Variants in FCGR2A observed in about 807,000 individuals in gnomAD.
FCGR2A encodes the protein Fc gamma receptor IIa.
In FCGR2A, 18 loss-of-function variants were observed where a neutral mutation model predicts 29.3. The observed-to-expected ratio is 0.62, with a 90% CI of 0.43 to 0.91. The LOEUF (loss-of-function observed/expected upper bound fraction) is 0.91, where lower values mean the gene tolerates loss of function less well. Among genes scored for constraint, FCGR2A ranks in the 40% least tolerant of loss-of-function variants. The probability of loss-of-function intolerance (pLI) is 0.00; values close to 1 mark genes in which losing one functional copy is unlikely to be tolerated. For missense variants in FCGR2A, 287 were observed against 393.0 expected (o/e 0.73, Z 2.28); for synonymous variants, 126 against 144.8 (o/e 0.87, Z 0.93).
rs182727666 is a variant in FCGR2A, at chr1:161,517,272, C to A, written c.781-703C>A. On this transcript the variant is annotated intron_variant, in intron 6 of 6. Coordinates refer to ENST00000271450, the MANE Select transcript of FCGR2A (RefSeq NM_001136219.3). ...ATCTTAACAGCTTAACAAGGAGGAG[C>A]TTGTGTTCCTACTGATGTCAAAAGA... 1.6e-4 allele frequency among the ~76,000 whole-genome samples: 24 copies of A among 152,162 alleles called. 1 individual carries two copies. Among genetic ancestry groups the A allele is most frequent in the Admixed American group, 1.4e-3 (21 of 15,272 alleles).
Position 161,517,443 on chromosome 1 carries a change from A to G in FCGR2A, c.781-532A>G, listed in dbSNP as rs779051663. Among the ~76,000 whole-genome samples the G allele has an allele frequency of 1.3e-4, 20 of 152,308 alleles. 1 individual carries two copies. The highest frequency in any genetic ancestry group is 2.9e-4 in the Non-Finnish European group (20 of 68,026). ...AAAGGTCTGAAGAAAGCAGAAACAA[A>G]GAATTTAAAGTGGATTGGCTATTTT... On this transcript the variant is annotated intron_variant, in intron 6 of 6. Coordinates refer to ENST00000271450, the MANE Select transcript of FCGR2A (RefSeq NM_001136219.3).
chr1:161,520,442 G>A (rs368852923), downstream of FCGR2A, among the ~76,000 whole-genome samples: 12 of 151,948 alleles, frequency 7.9e-5, no homozygotes, highest in East Asian at 1.9e-3. Context: ...CCATGACCCA[G>A]TTACCTCCAC....
rs140186893 is a variant in FCGR2A, at chr1:161,518,059, A to G, written c.865A>G (p.Met289Val). 1.7e-4 allele frequency: 277 copies of G among 1,613,726 alleles called. No individual in the cohort carries two copies. Among genetic ancestry groups the G allele is most frequent in the Non-Finnish European group, 2.2e-4 (263 of 1,179,818 alleles). ...CTATGAAACAGCTGACGGCGGCTAC[A>G]TGACTCTGAACCCCAGGGCACCTAC... Reference protein sequence around the residue: ...NDYETADGGYMTLNPRAPTDD... With the variant: ...NDYETADGGYVTLNPRAPTDD... The change falls in exon 7 of 7, where the codon ATG becomes GTG. Residue 289 changes from methionine to valine, a missense_variant. Met to Val is a conservative substitution (Grantham distance 21, BLOSUM62 1). Around this residue, in one of 3 missense-constraint regions of FCGR2A, gnomAD observed 34 missense variants for 73.5 expected, o/e 0.46. Coordinates refer to ENST00000271450, the MANE Select transcript of FCGR2A (RefSeq NM_001136219.3).
chr1:161,512,680 G>T (rs1402192626), intron 5 of FCGR2A, among the ~76,000 whole-genome samples: 5 of 151,828 alleles, frequency 3.3e-5, no homozygotes, highest in African/African-American at 9.7e-5. Context: ...GTAGGAACAG[G>T]CAGGAAAAAG....
chr1:161,505,793 G>A, intron 1 of FCGR2A, 194 bp from the exon 2 acceptor site: 3 of 720,874 alleles, frequency 4.2e-6, no homozygotes, highest in Non-Finnish European at 7.4e-6. Flanking sequence ...GTAGTCATGA[G>A]GAGGAACAGG....
intron 5 of FCGR2A, among the ~76,000 whole-genome samples, chr1:161,512,996 C>G (rs1336102844): frequency 1.3e-5 from 2 of 152,182 alleles, no homozygotes; most frequent in Non-Finnish European, 2.9e-5. Context: ...TTTTAAAAAT[C>G]CTTTCGCAAA....
rs1409750258 is a variant in FCGR2A at position 161,519,402 on chromosome 1, A to G, written c.*1254A>G. 1 of 152,516 alleles carries G rather than the reference A, an allele frequency of 6.6e-6. No homozygotes were observed. The highest frequency in any genetic ancestry group is 2.4e-5 in the African/African-American group (1 of 41,454). The allele number at this position is 152,516 out of a possible 1,614,324, so 9.4% of individuals were successfully genotyped here. A position where few individuals can be genotyped will look rare whatever the true frequency, so the allele number is the denominator to read the frequency against. On this transcript the variant is annotated 3_prime_UTR_variant, in exon 7 of 7. Coordinates refer to ENST00000271450, the MANE Select transcript of FCGR2A (RefSeq NM_001136219.3). ...GAGAAACGCTTATGTTACAGGTTACATGAGAGCAATCATGTAAGTCTATAT... is the reference window on the plus strand; with the variant it reads ...GAGAAACGCTTATGTTACAGGTTACGTGAGAGCAATCATGTAAGTCTATAT...
chr1:161,510,824 T>C lies in FCGR2A; in HGVS notation c.620-10T>C, dbSNP rs564968497. The C allele has an allele frequency of 1.2e-6, 2 of 1,614,052 alleles. 1 individual carries two copies. The highest frequency in any genetic ancestry group is 4.5e-5 in the East Asian group (2 of 44,876). The stretch of plus-strand genomic sequence containing the variant: ...ACCCCCCATCCTGCCCTAATGTCTG[T>C]CTTCCCTAGTGCCCAGCATGGGCAG... On this transcript the variant is annotated splice_polypyrimidine_tract_variant and intron_variant, in intron 4 of 6. Transcript: ENST00000271450.
chr1:161,505,883 A>G, intron 1 of FCGR2A, 104 bp from the exon 2 acceptor site: 1 of 1,098,742 alleles, frequency 9.1e-7, no homozygotes, highest in Non-Finnish European at 1.4e-6. Flanking sequence ...TGGGTCCTGG[A>G]GAAGGAAGAG....
chr1:161,520,901 ATCTCCTACTGCTTT>A (rs147520419), downstream of FCGR2A, among the ~76,000 whole-genome samples: 3,767 of 151,756 alleles, frequency 0.025, 164 homozygotes, highest in African/African-American at 0.086. Flanking sequence ...CTCTGACCTC[ATCTCCTACTGCTTT>A]TCCTTGCTTG....
At chr1:161,523,695 A>G (rs927440566), downstream of FCGR2A, 2 of 152,174 alleles carry the variant, frequency 1.3e-5, no homozygotes, top group African/African-American at 2.4e-5. Context: ...GCCACAGTGC[A>G]ATGTCACATC....
intron 4 of FCGR2A, 30 bp downstream of exon 4, chr1:161,510,104 G>C (rs1675670730): frequency 6.2e-7 from 1 of 1,610,834 alleles, no homozygotes; most frequent in African/African-American, 1.3e-5. Flanking sequence ...ATGTAGGGAG[G>C]GGAGAAGAGG....
chr1:161,510,305 A>C, intron 4 of FCGR2A: 1 of 768,414 alleles, frequency 1.3e-6, no homozygotes, highest in Admixed American at 2.5e-5. Context: ...TCACTTTGAA[A>C]TGTAGGCCCC....
chr1:161,515,444 G>A (rs1676088571), intron 6 of FCGR2A, among the ~76,000 whole-genome samples: 1 of 151,960 alleles, frequency 6.6e-6, no homozygotes, highest in Non-Finnish European at 1.5e-5. Flanking sequence ...TTGGAAATAG[G>A]CCAGATAAAC....
In FCGR2A at chr1:161,518,315, C is replaced by G. The variant is rs2102490503; in HGVS notation, c.*167C>G. On this transcript the variant is annotated 3_prime_UTR_variant, in exon 7 of 7. Transcript: ENST00000271450. ...ACTTTGCTTAAACTACAAACACAAG[C>G]AAAACTTCACGGGGTCATACTACAT... 1 of 980,470 alleles carries G rather than the reference C, an allele frequency of 1.0e-6. No homozygotes were observed. Among genetic ancestry groups the G allele is most frequent in the Non-Finnish European group, 1.5e-6 (1 of 673,708 alleles). The allele number at this position is 980,470 out of a possible 1,614,324, so 60.7% of individuals were successfully genotyped here.
At chr1:161,506,823 T>G in intron 3 of FCGR2A, 1 of 828,468 alleles carries the variant, frequency 1.2e-6, no homozygotes, top group Non-Finnish European at 1.8e-6. Context: ...TTTGCCTCAG[T>G]CTTGATTGAG....
chr1:161,519,453 A>C lies in FCGR2A; in HGVS notation c.*1305A>C, dbSNP rs1676356379. On this transcript the variant is annotated 3_prime_UTR_variant, in exon 7 of 7. Transcript: ENST00000271450. ...GACTTCAGAAATGTTAAAATAGACT[A>C]ACCTCTAACAACAAATTAAAAGTGA... is the stretch of plus-strand genomic sequence containing the variant. 6.6e-6 allele frequency: 1 copy of C among 152,396 alleles called. No homozygotes were observed. Among genetic ancestry groups the C allele is most frequent in the Admixed American group, 6.5e-5 (1 of 15,274 alleles). The allele number at this position is 152,396 out of a possible 1,614,324, so 9.4% of individuals were successfully genotyped here. A position where few individuals can be genotyped will look rare whatever the true frequency, so the allele number is the denominator to read the frequency against.
intron 2 of FCGR2A, 46 bp from the exon 3 acceptor site, chr1:161,506,288 C>A: frequency 6.2e-7 from 1 of 1,608,480 alleles, no homozygotes. Context: ...ATCCACAGTC[C>A]CTTCAGGGTT....
chr1:161,506,160 AT>A, intron 2 of FCGR2A, 153 bp downstream of exon 2: 1 of 1,254,936 alleles, frequency 8.0e-7, no homozygotes, highest in Non-Finnish European at 1.2e-6. Flanking sequence ...GGGGTCTGGG[AT>A]TTGCTTCTTA....
Sources: gnomAD v4.1 joint callset for allele counts (sites outside exome capture counted in the v4.1 genomes callset) on GRCh38, gnomAD v4.1.1 for gene constraint, gnomAD v4.1.1 regional missense constraint, MANE v1.5 for transcripts, NCBI Gene and HGNC (gene_info 2026-07-23, HGNC 2026-07-21) for gene names.